Variants in CADPS2 observed in about 807,000 individuals in gnomAD.
The protein encoded by CADPS2 is calcium dependent secretion activator 2.
Under a neutral mutation model 172.5 loss-of-function variants are expected in CADPS2, and 93 were observed. The ratio of observed to expected loss-of-function variants is 0.54; its 90% CI spans 0.46 to 0.64. CADPS2 has a LOEUF of 0.64. Among genes scored for constraint, CADPS2 ranks in the 30% least tolerant of loss-of-function variants. The pLI is 0.00. For missense variants in CADPS2, 1,420 were observed against 1,565.9 expected (o/e 0.91, Z 1.57); for synonymous variants, 546 against 555.2 (o/e 0.98, Z 0.23).
Position 122,346,968 on chromosome 7 carries a change from C to T in CADPS2, c.3505-1287G>A, listed in dbSNP as rs999356026. Among the ~76,000 whole-genome samples, 4 of 152,154 alleles carry T rather than the reference C, an allele frequency of 2.6e-5. No homozygotes were observed. The South Asian group carries it at 6.2e-4, about 24-fold the overall frequency. On this transcript the variant is annotated intron_variant, in intron 27 of 29. Transcript: ENST00000449022. ...TTAATAAGAACAAAATGATAACTAT[C>T]TATCACTAGGTAGATCTGCTACCAA...
At chr7:122,764,613 C>T (rs778023498) in intron 1 of CADPS2, among the ~76,000 whole-genome samples, 12 of 151,878 alleles carry the variant, frequency 7.9e-5, no homozygotes, top group Non-Finnish European at 1.8e-4. Context: ...GGTATAGCAA[C>T]AGAGAGGGAG....
rs558912768 is a variant in CADPS2, at chr7:122,346,750, T to C, written c.3505-1069A>G. On this transcript the variant is annotated intron_variant, in intron 27 of 29. Coordinates refer to ENST00000449022, the MANE Select transcript of CADPS2 (RefSeq NM_017954.11). ...GAGGTAATACAATTTCTCCTTGCTATAGATGCTGCAAAGTCAGTACTAGTA... is the reference window on the plus strand; with the variant it reads ...GAGGTAATACAATTTCTCCTTGCTACAGATGCTGCAAAGTCAGTACTAGTA... Among the ~76,000 whole-genome samples, 29 of 152,322 alleles carry C rather than the reference T, an allele frequency of 1.9e-4. 1 individual carries two copies. The highest frequency in any genetic ancestry group is 2.5e-4 in the Non-Finnish European group (17 of 68,026).
At position 122,711,873 on chromosome 7, in the gene CADPS2, G is replaced by A. The variant is rs1055086198; in HGVS notation, c.453+25082C>T. Among the ~76,000 whole-genome samples, 9 of 150,712 alleles carry A rather than the reference G, an allele frequency of 6.0e-5. No individual in the cohort carries two copies. In the South Asian group the frequency reaches 8.7e-4, roughly 15 times the overall value. On this transcript the variant is annotated intron_variant, in intron 2 of 29. Coordinates refer to ENST00000449022, the MANE Select transcript of CADPS2 (RefSeq NM_017954.11). ...TCACCATGTTGGTCAGGCTGGTCTC[G>A]AACTCCTGACCTTGTGATCCACCTG...
In CADPS2 at chr7:122,611,069, G is replaced by T. The variant is rs555165847; in HGVS notation, c.1223+4112C>A. 1.2e-4 allele frequency among the ~76,000 whole-genome samples: 19 copies of T among 152,132 alleles called. No individual in the cohort carries two copies. The East Asian group carries it at 1.4e-3, about 11-fold the overall frequency. ...TACTTACAAATGCAACTAAAGCAGCGCTTAGAGGGAAATTTATAGCTGCAA... is the reference window on the plus strand; with the variant it reads ...TACTTACAAATGCAACTAAAGCAGCTCTTAGAGGGAAATTTATAGCTGCAA... On this transcript the variant is annotated intron_variant, in intron 6 of 29. Transcript: ENST00000449022.
intron 7 of CADPS2, among the ~76,000 whole-genome samples, chr7:122,557,150 T>C (rs1004911023): frequency 6.6e-6 from 1 of 152,140 alleles, no homozygotes; most frequent in African/African-American, 2.4e-5. Context: ...GGTAAATAAA[T>C]GCTGAACTTA....
chr7:122,801,392 C>T (rs987824858), intron 1 of CADPS2, among the ~76,000 whole-genome samples: 1 of 152,128 alleles, frequency 6.6e-6, no homozygotes, highest in African/African-American at 2.4e-5. Flanking sequence ...AAGGACAAAA[C>T]CCATGTGATC....
intron 6 of CADPS2, among the ~76,000 whole-genome samples, chr7:122,613,360 T>C (rs1213830975): frequency 6.6e-6 from 1 of 152,086 alleles, no homozygotes; most frequent in Non-Finnish European, 1.5e-5. Flanking sequence ...AAACTTGATA[T>C]ATGGCACTTG....
chr7:122,461,759 T>G (rs944503758), intron 14 of CADPS2, among the ~76,000 whole-genome samples: 1 of 152,136 alleles, frequency 6.6e-6, no homozygotes, highest in Non-Finnish European at 1.5e-5. Context: ...CATGCCTGGC[T>G]AATTTTTGCA....
chr7:122,520,958 T>A (rs1321330412), intron 8 of CADPS2, among the ~76,000 whole-genome samples: 1 of 152,140 alleles, frequency 6.6e-6, no homozygotes, highest in Non-Finnish European at 1.5e-5. Context: ...GAACTATTAA[T>A]TTTGGTGGAT....
intron 1 of CADPS2, among the ~76,000 whole-genome samples, chr7:122,762,808 T>C (rs927112476): frequency 1.3e-5 from 2 of 152,082 alleles, no homozygotes; most frequent in Middle Eastern, 3.2e-3. Context: ...ATGGCACATT[T>C]GCTAAGTGTC....
Position 122,878,375 on chromosome 7 carries a change from G to A in CADPS2, c.339+7624C>T, listed in dbSNP as rs193296173. On this transcript the variant is annotated intron_variant, in intron 1 of 29. Coordinates refer to ENST00000449022, the MANE Select transcript of CADPS2 (RefSeq NM_017954.11). The stretch of plus-strand genomic sequence containing the variant: ...AAATTAAAACGCAATGTTGTCGGCC[G>A]GGCGCGGTGGCTCACGCCTGTAATC... 1.9e-3 allele frequency among the ~76,000 whole-genome samples: 295 copies of A among 151,556 alleles called. 3 individuals carry two copies. The highest frequency in any genetic ancestry group is 3.3e-3 in the Non-Finnish European group (226 of 67,900).
chr7:122,512,868 A>G (rs1408058827), intron 9 of CADPS2, among the ~76,000 whole-genome samples: 1 of 152,184 alleles, frequency 6.6e-6, no homozygotes, highest in Non-Finnish European at 1.5e-5. Context: ...AAGAATATTC[A>G]GAAGTTATTT....
intron 9 of CADPS2, among the ~76,000 whole-genome samples, chr7:122,510,368 C>G (rs2059923579): frequency 6.6e-6 from 1 of 152,062 alleles, no homozygotes; most frequent in Non-Finnish European, 1.5e-5. Flanking sequence ...ACTTGGAAGC[C>G]AAATAAACAC....
chr7:122,720,284 G>A (rs2090204607), intron 2 of CADPS2, among the ~76,000 whole-genome samples: 1 of 151,754 alleles, frequency 6.6e-6, no homozygotes, highest in Admixed American at 6.6e-5. Context: ...GAGAGGACAC[G>A]CAAAACATAT....
At chr7:122,508,613 A>T (rs1269318489) in intron 9 of CADPS2, among the ~76,000 whole-genome samples, 1 of 151,672 alleles carries the variant, frequency 6.6e-6, no homozygotes, top group Non-Finnish European at 1.5e-5. Context: ...TACAGGTGGG[A>T]GCCATGGCAC....
intron 7 of CADPS2, among the ~76,000 whole-genome samples, chr7:122,567,933 C>T (rs1222370651): frequency 6.6e-6 from 1 of 151,980 alleles, no homozygotes; most frequent in Non-Finnish European, 1.5e-5. Context: ...TAAGCTTAAC[C>T]ATATCAATAT....
intron 1 of CADPS2, among the ~76,000 whole-genome samples, chr7:122,744,533 C>T (rs1218674931): frequency 3.3e-5 from 5 of 152,114 alleles, no homozygotes; most frequent in African/African-American, 1.2e-4. Context: ...AATAAACTTG[C>T]CCCAGCGAAC....
intron 14 of CADPS2, among the ~76,000 whole-genome samples, chr7:122,469,525 G>A (rs922952419): frequency 6.6e-6 from 1 of 152,124 alleles, no homozygotes; most frequent in Admixed American, 6.6e-5. Flanking sequence ...CATTTTCTAA[G>A]TGCAGAGGGT....
chr7:122,409,367 G>C (rs2047032736), intron 19 of CADPS2, among the ~76,000 whole-genome samples: 1 of 152,082 alleles, frequency 6.6e-6, no homozygotes, highest in Non-Finnish European at 1.5e-5. Flanking sequence ...AGTCATGTTA[G>C]TTCAGGTTGT....
Sources: gnomAD v4.1 joint callset for allele counts (sites outside exome capture counted in the v4.1 genomes callset) on GRCh38, gnomAD v4.1.1 for gene constraint, MANE v1.5 for transcripts, NCBI Gene and HGNC (gene_info 2026-07-23, HGNC 2026-07-21) for gene names.